Variants in ARHGAP29 observed in about 807,000 individuals in gnomAD.
The protein encoded by ARHGAP29 is rho GTPase-activating protein 29.
A neutral mutation model predicts 122.6 loss-of-function variants in ARHGAP29; 43 were observed. The observed-to-expected ratio is 0.35, with a 90% confidence interval of 0.27 to 0.45. The LOEUF is 0.45. Ranked by LOEUF, ARHGAP29 falls within the 20% of genes least tolerant of loss-of-function variation. ARHGAP29 has a pLI of 1.00. For synonymous variants in ARHGAP29, 506 were observed against 497.1 expected (o/e 1.02, Z -0.24); for missense variants, 1,303 against 1,477.2 (o/e 0.88, Z 1.93).
intron 15 of ARHGAP29, among the ~76,000 whole-genome samples, chr1:94,188,635 C>T (rs917231081): frequency 7.2e-5 from 11 of 151,988 alleles, no homozygotes; most frequent in Non-Finnish European, 1.2e-4. Context: ...GTACACAGGG[C>T]GCTTCTAATA....
In ARHGAP29 at chr1:94,174,716, T is replaced by A. The variant is rs752809915; in HGVS notation, c.2939A>T (p.Glu980Val). 1.9e-6 allele frequency: 3 copies of A among 1,614,094 alleles called. No homozygotes were observed. The South Asian group carries it at 3.3e-5, about 18-fold the overall frequency. The change falls in exon 23 of 23, where the codon GAA becomes GTA. Residue 980 changes from glutamate (E) to valine (V), a missense_variant. Transcript: ENST00000260526. Reference protein sequence around the residue: ...KAQLLLDQEAESASQKIEDGK... With the variant: ...KAQLLLDQEAVSASQKIEDGK... ...ATCTTCTATCTTTTGGGATGCTGAT[T>A]CAGCCTCTTGGTCTAGAAGCAACTG...
At chr1:94,298,089 C>G in the ARHGAP29 span, among the ~76,000 whole-genome samples, 2 of 152,108 alleles carry the variant, frequency 1.3e-5, no homozygotes, top group African/African-American at 4.8e-5. Flanking sequence ...TAATATTCAG[C>G]GGCAAATATT....
At chr1:94,256,598 C>T (rs368745506) in intron 1 of ARHGAP29, among the ~76,000 whole-genome samples, 5 of 107,004 alleles carry the variant, frequency 4.7e-5, no homozygotes, top group African/African-American at 1.9e-4. Context: ...CGCTCTGTCT[C>T]CCAGGCTGGA....
rs780813691 is a variant in ARHGAP29, at chr1:94,205,096, T to C, written c.662A>G (p.Asn221Ser). The change falls in exon 7 of 23, where the codon AAC (asparagine) becomes AGC (serine). Residue 221 changes from asparagine to serine, a missense_variant. By Grantham distance (46) the Asn-to-Ser change is conservative. Around this residue, in one of 3 missense-constraint regions of ARHGAP29, gnomAD observed 592 missense variants for 648.2 expected, o/e 0.91. Coordinates refer to ENST00000260526, the MANE Select transcript of ARHGAP29 (RefSeq NM_004815.4). ...YAKTWSKYTK[N>S]IVSWVEKKLN... ...CTTTTTTTCAACCCATGAAACTATG[T>C]TCTTAGTATATTTTGACCAAGTTTT... 1 of 1,600,090 alleles carries C rather than the reference T, an allele frequency of 6.2e-7. No individual in the cohort carries two copies. The highest frequency in any genetic ancestry group is 1.8e-5 in the Admixed American group (1 of 57,036).
Position 94,237,559 on chromosome 1 carries a change from C to CCACAGCCACAGG in ARHGAP29, c.-189_-178dup. On this transcript the variant is annotated 5_prime_UTR_variant, in exon 1 of 23. Coordinates refer to ENST00000260526, the MANE Select transcript of ARHGAP29 (RefSeq NM_004815.4). ...ATCTCAGCCGCAGCCGCAGCCGCAG[C>CCACAGCCACAGG]CACAGCCACAGGCACCACCACCACT... 1 of 991,330 alleles carries CCACAGCCACAGG rather than the reference C, an allele frequency of 1.0e-6. No individual in the cohort carries two copies. The highest frequency in any genetic ancestry group is 4.5e-5 in the South Asian group (1 of 22,360). 61.4% of individuals were successfully genotyped at this position (991,330 alleles called of 1,614,324 possible).
chr1:94,184,803 G>A, intron 18 of ARHGAP29, 69 bp downstream of exon 18: 1 of 1,270,976 alleles, frequency 7.9e-7, no homozygotes, highest in Non-Finnish European at 1.1e-6. Context: ...TTCCTTTAAA[G>A]TCTCCTTTTC....
chr1:94,207,607 A>G (rs1028039507), intron 5 of ARHGAP29, among the ~76,000 whole-genome samples: 1 of 152,190 alleles, frequency 6.6e-6, no homozygotes, highest in Admixed American at 6.5e-5. Flanking sequence ...AAAAGATAAA[A>G]TTTAGGAATA....
intron 1 of ARHGAP29, among the ~76,000 whole-genome samples, chr1:94,235,135 T>C (rs912728071): frequency 6.6e-6 from 1 of 152,176 alleles, no homozygotes; most frequent in African/African-American, 2.4e-5. Flanking sequence ...GCCAGCATTA[T>C]AATGATTAAT....
chr1:94,264,699 T>G (rs528286015), intron 1 of ARHGAP29, among the ~76,000 whole-genome samples: 17 of 152,272 alleles, frequency 1.1e-4, no homozygotes, highest in African/African-American at 3.6e-4. Context: ...TTCTACTAGA[T>G]AGACTTCCCC....
chr1:94,197,297 A>G (rs1430223819), intron 12 of ARHGAP29, among the ~76,000 whole-genome samples: 1 of 152,168 alleles, frequency 6.6e-6, no homozygotes, highest in Non-Finnish European at 1.5e-5. Context: ...GCCACAAGCT[A>G]CCAAAAATCA....
At chr1:94,190,617 TA>T (rs1261138905) in intron 12 of ARHGAP29, 5 of 152,452 alleles carry the variant, frequency 3.3e-5, no homozygotes, top group Non-Finnish European at 7.3e-5. Context: ...CTAAATATAT[TA>T]TCACTATCAT....
rs1204199809 is a variant in ARHGAP29, at chr1:94,173,926, C to T, written c.3729G>A (p.Arg1243=). ...PDVNPMCQRP[R]LKRMQQFEDL... is the part of the protein sequence containing the mutation. ...CTTCAAACTGTTGCATTCGTTTTAG[C>T]CTTGGTCTCTGACACATTGGATTCA... Residue 1243 remains arginine, a synonymous_variant, in exon 23 of 23, where the codon AGG becomes AGA. Coordinates refer to ENST00000260526, the MANE Select transcript of ARHGAP29 (RefSeq NM_004815.4). The T allele has an allele frequency of 6.2e-7, 1 of 1,613,788 alleles. No homozygotes were observed. The highest frequency in any genetic ancestry group is 1.7e-5 in the Admixed American group (1 of 60,008).
rs1651106353 is a variant in ARHGAP29 at position 94,205,086 on chromosome 1, T to C, written c.672A>G (p.Ser224=). ...CCAAGTTAAGCTTTTTTTCAACCCATGAAACTATGTTCTTAGTATATTTTG... is the reference window on the plus strand; with the variant it reads ...CCAAGTTAAGCTTTTTTTCAACCCACGAAACTATGTTCTTAGTATATTTTG... ...TWSKYTKNIV[S]WVEKKLNLEL... Residue 224 remains serine (S), a synonymous_variant, in exon 7 of 23, where the codon TCA becomes TCG. Transcript: ENST00000260526. 6.3e-7 allele frequency: 1 copy of C among 1,589,568 alleles called. No individual in the cohort carries two copies. The highest frequency in any genetic ancestry group is 8.5e-7 in the Non-Finnish European group (1 of 1,171,296).
At chr1:94,180,746 G>C (rs993580608) in intron 19 of ARHGAP29, among the ~76,000 whole-genome samples, 1 of 152,142 alleles carries the variant, frequency 6.6e-6, no homozygotes, top group Non-Finnish European at 1.5e-5. Flanking sequence ...CAATAAATGA[G>C]TAGCATGAAG....
chr1:94,202,282 C>T (rs552275031), intron 11 of ARHGAP29: 15 of 574,032 alleles, frequency 2.6e-5, no homozygotes, highest in Non-Finnish European at 3.9e-5. Flanking sequence ...ACTGCCTTCT[C>T]TAAGACATTC....
chr1:94,238,653 T>C (rs1653450269), upstream of ARHGAP29, among the ~76,000 whole-genome samples: 1 of 151,328 alleles, frequency 6.6e-6, no homozygotes, highest in African/African-American at 2.4e-5. Context: ...CAGGAGAATG[T>C]GCTGAGGAAA....
At chr1:94,248,763 C>T (rs1653944783) in intron 1 of ARHGAP29, among the ~76,000 whole-genome samples, 1 of 152,194 alleles carries the variant, frequency 6.6e-6, no homozygotes, top group African/African-American at 2.4e-5. Context: ...AGTGCAGTGG[C>T]ACAGTCATAG....
chr1:94,277,507 T>C (rs892719017), upstream of ARHGAP29, among the ~76,000 whole-genome samples: 1 of 152,090 alleles, frequency 6.6e-6, no homozygotes, highest in Non-Finnish European at 1.5e-5. Context: ...AAAAAGTATA[T>C]GTAAGGAGTA....
rs371970552 is a variant in ARHGAP29, at chr1:94,229,107, A to G, written c.205+2300T>C. Among the ~76,000 whole-genome samples, 29 of 151,900 alleles carry G rather than the reference A, an allele frequency of 1.9e-4. No individual in the cohort carries two copies. In the South Asian group the frequency reaches 3.5e-3, roughly 18 times the overall value. On this transcript the variant is annotated intron_variant, in intron 2 of 22. Transcript: ENST00000260526. Reference sequence around the variant, plus strand: ...AAGGCTCTTCCACTCTAAAAGAAAAACAGTGAATGAAATGGCTCTTTGCTG... The same window carrying G: ...AAGGCTCTTCCACTCTAAAAGAAAAGCAGTGAATGAAATGGCTCTTTGCTG...
Sources: gnomAD v4.1 joint callset for allele counts (sites outside exome capture counted in the v4.1 genomes callset) on GRCh38, gnomAD v4.1.1 for gene constraint, gnomAD v4.1.1 regional missense constraint, MANE v1.5 for transcripts, NCBI Gene and HGNC (gene_info 2026-07-23, HGNC 2026-07-21) for gene names.